The following UBE3D variants were observed in gnomAD, a reference collection of about 807,000 sequenced individuals.
UBE3D encodes the protein ubiquitin protein ligase E3D, also known as E3 ubiquitin-protein ligase E3D.
A neutral mutation model predicts 49.6 loss-of-function variants in UBE3D; 48 were observed. That is an observed-to-expected ratio of 0.97 (90% CI 0.77 to 1.23). The LOEUF (loss-of-function observed/expected upper bound fraction) is 1.23, where lower values mean the gene tolerates loss of function less well. Among genes scored for constraint, UBE3D ranks in the 50% most tolerant of loss-of-function variants. The probability of loss-of-function intolerance (pLI) is 0.00; values close to 1 mark genes in which losing one functional copy is unlikely to be tolerated. For synonymous variants in UBE3D, 189 were observed against 174.2 expected (o/e 1.08, Z -0.67); for missense variants, 452 against 468.4 (o/e 0.96, Z 0.32).
At chr6:83,000,750 T>G (rs973087698) in intron 8 of UBE3D, among the ~76,000 whole-genome samples, 8 of 151,952 alleles carry the variant, frequency 5.3e-5, no homozygotes, top group African/African-American at 1.9e-4. Flanking sequence ...GACCTTCCCA[T>G]CCCTTGTACT....
intron 3 of UBE3D, among the ~76,000 whole-genome samples, chr6:83,052,492 GGA>G (rs1238350210): frequency 7.2e-5 from 11 of 152,174 alleles, no homozygotes; most frequent in African/African-American, 2.7e-4. Flanking sequence ...AGTTCAGGTA[GGA>G]GCCAACGAGG....
intron 8 of UBE3D, among the ~76,000 whole-genome samples, chr6:82,980,006 T>C (rs1778003842): frequency 6.6e-6 from 1 of 152,168 alleles, no homozygotes; most frequent in African/African-American, 2.4e-5. Flanking sequence ...GATGGACATT[T>C]AGGTTGATTA....
chr6:83,026,255 T>G (rs1056172856), intron 5 of UBE3D, among the ~76,000 whole-genome samples: 6 of 152,044 alleles, frequency 3.9e-5, no homozygotes, highest in Non-Finnish European at 7.4e-5. Flanking sequence ...GAGACCATTC[T>G]GGACAACAAA....
intron 9 of UBE3D, among the ~76,000 whole-genome samples, chr6:82,917,864 G>C (rs1176002989): frequency 1.3e-5 from 2 of 152,146 alleles, no homozygotes; most frequent in African/African-American, 4.8e-5. Context: ...TTGTCTTTTG[G>C]AGTGTGCTGT....
intron 3 of UBE3D, among the ~76,000 whole-genome samples, chr6:83,047,380 A>G (rs546285649): frequency 6.6e-6 from 1 of 152,282 alleles, no homozygotes; most frequent in South Asian, 2.1e-4. Flanking sequence ...TCTTCTTGGG[A>G]ACCCTACAAA....
intron 8 of UBE3D, among the ~76,000 whole-genome samples, chr6:82,967,151 A>T (rs1006667267): frequency 6.6e-6 from 1 of 151,906 alleles, no homozygotes; most frequent in Non-Finnish European, 1.5e-5. Context: ...ATTTCTTCCC[A>T]CTTTTTGTTC....
At chr6:83,056,398 A>C (rs1170532485) in intron 2 of UBE3D, among the ~76,000 whole-genome samples, 1 of 152,162 alleles carries the variant, frequency 6.6e-6, no homozygotes, top group Non-Finnish European at 1.5e-5. Flanking sequence ...GGTGATGACA[A>C]CACAACATCC....
chr6:82,907,495 C>T (rs1273611829), intron 9 of UBE3D, among the ~76,000 whole-genome samples: 2 of 151,998 alleles, frequency 1.3e-5, no homozygotes, highest in East Asian at 3.9e-4. Context: ...AAACCAATTA[C>T]GGGTAGTGGT....
chr6:82,884,584 A>C, the UBE3D span, among the ~76,000 whole-genome samples: 1 of 152,270 alleles, frequency 6.6e-6, no homozygotes, highest in African/African-American at 2.4e-5. Flanking sequence ...AGGTTACTCA[A>C]ATATTAGATC....
chr6:82,974,003 G>A (rs1394653339), intron 8 of UBE3D, among the ~76,000 whole-genome samples: 1 of 152,134 alleles, frequency 6.6e-6, no homozygotes, highest in East Asian at 1.9e-4. Flanking sequence ...CTAGTTGTAG[G>A]AAAACAGGCT....
At chr6:83,033,072 T>C (rs1017524372) in intron 5 of UBE3D, among the ~76,000 whole-genome samples, 2 of 152,170 alleles carry the variant, frequency 1.3e-5, no homozygotes, top group South Asian at 4.1e-4. Flanking sequence ...CAGCATTTGC[T>C]TGGCTTCTGG....
intron 8 of UBE3D, among the ~76,000 whole-genome samples, chr6:82,979,110 T>C (rs1007013589): frequency 2.0e-5 from 3 of 152,180 alleles, no homozygotes; most frequent in African/African-American, 7.2e-5. Flanking sequence ...CAGAATCTTA[T>C]GTTCAACAAT....
chr6:82,996,910 A>C (rs1779280335), intron 8 of UBE3D, among the ~76,000 whole-genome samples: 1 of 152,224 alleles, frequency 6.6e-6, no homozygotes, highest in African/African-American at 2.4e-5. Context: ...CATTCCTGGA[A>C]GACCTGGTGA....
At chr6:82,990,541 G>C (rs1778814712) in intron 8 of UBE3D, among the ~76,000 whole-genome samples, 1 of 152,156 alleles carries the variant, frequency 6.6e-6, no homozygotes, top group Admixed American at 6.5e-5. Context: ...GCCTCCCAAA[G>C]TGCTGGGATT....
At chr6:83,024,087 T>C in intron 5 of UBE3D, 49 bp from the exon 6 acceptor site, 2 of 1,054,900 alleles carry the variant, frequency 1.9e-6, no homozygotes, top group South Asian at 1.7e-5. Context: ...ACTAATAATT[T>C]TATTGTGGGC....
chr6:82,939,380 T>C (rs1181805211), intron 9 of UBE3D, among the ~76,000 whole-genome samples: 1 of 152,212 alleles, frequency 6.6e-6, no homozygotes, highest in Non-Finnish European at 1.5e-5. Context: ...TACCACATCG[T>C]CTATCGTGGG....
chr6:82,940,226 A>G (rs1774909788), intron 9 of UBE3D, among the ~76,000 whole-genome samples: 1 of 152,248 alleles, frequency 6.6e-6, no homozygotes, highest in Admixed American at 6.5e-5. Context: ...GACAATTCAG[A>G]TTAGAGAACT....
chr6:82,967,127 T>A (rs1776998310), intron 8 of UBE3D, among the ~76,000 whole-genome samples: 1 of 152,214 alleles, frequency 6.6e-6, no homozygotes, highest in South Asian at 2.1e-4. Context: ...TTTTCCATTT[T>A]AAATATTTAA....
intron 1 of UBE3D, among the ~76,000 whole-genome samples, chr6:83,058,337 T>C (rs1401273279): frequency 6.6e-6 from 1 of 152,184 alleles, no homozygotes; most frequent in African/African-American, 2.4e-5. Context: ...ATATACAAGA[T>C]TTTAATAAAG....
Sources: allele counts gnomAD v4.1 joint callset (sites outside exome capture counted in the v4.1 genomes callset), GRCh38; gene constraint gnomAD v4.1.1; transcripts MANE v1.5; gene names NCBI Gene and HGNC (gene_info 2026-07-23, HGNC 2026-07-21).